The following ALK variants were observed in gnomAD, a reference collection of about 807,000 sequenced individuals.
The protein encoded by ALK is ALK receptor tyrosine kinase.
A neutral mutation model predicts 163.1 loss-of-function variants in ALK; 74 were observed. That is an observed-to-expected ratio of 0.45 (90% CI 0.38 to 0.55). ALK has a LOEUF of 0.55. Ranked by LOEUF, ALK falls within the 20% of genes least tolerant of loss-of-function variation. ALK has a pLI of 0.00. For synonymous variants in ALK, 960 were observed against 843.2 expected (o/e 1.14, Z -2.40); for missense variants, 2,063 against 2,105.3 (o/e 0.98, Z 0.39).
At chr2:29,379,708 A>C (rs1668848288) in intron 5 of ALK, among the ~76,000 whole-genome samples, 1 of 152,230 alleles carries the variant, frequency 6.6e-6, no homozygotes, top group Admixed American at 6.5e-5. Context: ...CCACAAAAGA[A>C]GGAGTAATAT....
chr2:29,423,756 A>T (rs1177793941), intron 4 of ALK, among the ~76,000 whole-genome samples: 1 of 152,122 alleles, frequency 6.6e-6, no homozygotes, highest in African/African-American at 2.4e-5. Flanking sequence ...GGACCCTCCT[A>T]GGAGGAGGTT....
chr2:29,497,849 C>A (rs1421897572), intron 4 of ALK, among the ~76,000 whole-genome samples: 1 of 152,090 alleles, frequency 6.6e-6, no homozygotes. Context: ...TGAATATAGT[C>A]ATGAAATGAT....
chr2:29,322,737 G>A (rs1667103042), intron 6 of ALK, among the ~76,000 whole-genome samples: 1 of 152,234 alleles, frequency 6.6e-6, no homozygotes, highest in Non-Finnish European at 1.5e-5. Context: ...GGGAGGCTGA[G>A]GCAGGAGAAT....
chr2:29,876,628 A>G (rs1228252247), intron 1 of ALK, among the ~76,000 whole-genome samples: 5 of 148,726 alleles, frequency 3.4e-5, no homozygotes, highest in African/African-American at 1.2e-4. Flanking sequence ...GATGGTGGTG[A>G]TGGCGGTGAT....
chr2:29,704,210 T>C (rs1678831625), intron 2 of ALK, among the ~76,000 whole-genome samples: 1 of 152,174 alleles, frequency 6.6e-6, no homozygotes, highest in African/African-American at 2.4e-5. Context: ...ACCCCAGAAA[T>C]TAGCATTCTT....
intron 12 of ALK, among the ~76,000 whole-genome samples, chr2:29,245,384 CAG>C: frequency 8.8e-6 from 1 of 113,362 alleles, no homozygotes; most frequent in East Asian, 2.8e-4. Flanking sequence ...GCCCTGCACA[CAG>C]TAGGGGCTCC....
rs528832689 is a variant in ALK at position 29,288,245 on chromosome 2, G to GT, written c.1817+8642dup. Among the ~76,000 whole-genome samples, 165 of 152,286 alleles carry GT rather than the reference G, an allele frequency of 1.1e-3. 3 individuals carry two copies. The highest frequency in any genetic ancestry group is 3.9e-3 in the African/African-American group (164 of 41,560). Reference sequence around the variant, plus strand: ...CTCGGGATGCAGATGCAGCTCTCCTGTGCTAATGTGCTATTTGCATAGGCT... The same window carrying GT: ...CTCGGGATGCAGATGCAGCTCTCCTGTTGCTAATGTGCTATTTGCATAGGCT... On this transcript the variant is annotated intron_variant, in intron 9 of 28. Transcript: ENST00000389048.
At chr2:29,555,895 T>C (rs1673841119) in intron 3 of ALK, among the ~76,000 whole-genome samples, 1 of 152,206 alleles carries the variant, frequency 6.6e-6, no homozygotes, top group Admixed American at 6.5e-5. Context: ...TTTATAAACA[T>C]GACTTAGACA....
At chr2:29,826,782 G>C (rs1665214732) in intron 1 of ALK, among the ~76,000 whole-genome samples, 1 of 152,086 alleles carries the variant, frequency 6.6e-6, no homozygotes, top group Admixed American at 6.5e-5. Flanking sequence ...CATTGGCTGA[G>C]TACTAAAAAG....
chr2:29,221,457 C>T (rs1669802587), intron 22 of ALK, among the ~76,000 whole-genome samples: 1 of 152,048 alleles, frequency 6.6e-6, no homozygotes, highest in Non-Finnish European at 1.5e-5. Context: ...ACACAGCCCC[C>T]CAAGTGTTGA....
intron 1 of ALK, among the ~76,000 whole-genome samples, chr2:29,762,216 C>T (rs1184708040): frequency 6.6e-6 from 1 of 152,196 alleles, no homozygotes; most frequent in African/African-American, 2.4e-5. Context: ...ATAGTTCATT[C>T]TTCTCTAACA....
rs201516260 is a variant in ALK at position 29,448,584 on chromosome 2, A to AT, written c.1155-64726_1155-64725insA. ...TATATGTGTTTGGGGACATCTATAG[A>AT]GCACAGTGAATCATGCAACATACGA... On this transcript the variant is annotated intron_variant, in intron 4 of 28. Coordinates refer to ENST00000389048, the MANE Select transcript of ALK (RefSeq NM_004304.5). 2.0e-5 allele frequency among the ~76,000 whole-genome samples: 3 copies of AT among 152,210 alleles called. No individual in the cohort carries two copies. The East Asian group carries it at 5.8e-4, about 29-fold the overall frequency.
intron 4 of ALK, among the ~76,000 whole-genome samples, chr2:29,392,106 T>A (rs763362515): frequency 2.6e-4 from 40 of 152,182 alleles, no homozygotes; most frequent in Admixed American, 5.9e-4. Flanking sequence ...AAATAAGAGA[T>A]TGACTGTGTG....
chr2:29,375,863 G>C (rs1668741236), intron 5 of ALK, among the ~76,000 whole-genome samples: 1 of 152,176 alleles, frequency 6.6e-6, no homozygotes, highest in Non-Finnish European at 1.5e-5. Context: ...AGTACTGACA[G>C]AGGAGGAGCA....
intron 4 of ALK, among the ~76,000 whole-genome samples, chr2:29,428,830 T>C (rs1670206230): frequency 6.6e-6 from 1 of 152,026 alleles, no homozygotes; most frequent in Non-Finnish European, 1.5e-5. Context: ...CAGATCAATA[T>C]GTCTCTTATA....
intron 3 of ALK, among the ~76,000 whole-genome samples, chr2:29,589,210 T>C (rs1674976427): frequency 6.6e-6 from 1 of 152,150 alleles, no homozygotes; most frequent in African/African-American, 2.4e-5. Flanking sequence ...TTAGAGAAGA[T>C]TTGATGCTGT....
intron 3 of ALK, among the ~76,000 whole-genome samples, chr2:29,671,658 T>C (rs1677693820): frequency 6.6e-6 from 1 of 152,014 alleles, no homozygotes; most frequent in African/African-American, 2.4e-5. Flanking sequence ...GGTAGGGGTG[T>C]CACAGATGTG....
intron 3 of ALK, among the ~76,000 whole-genome samples, chr2:29,534,132 G>C (rs1673188822): frequency 6.6e-6 from 1 of 152,016 alleles, no homozygotes; most frequent in South Asian, 2.1e-4. Flanking sequence ...AAGATTTCCA[G>C]CTTCATTTTG....
At chr2:29,350,793 C>T (rs2148279145) in intron 5 of ALK, among the ~76,000 whole-genome samples, 1 of 152,210 alleles carries the variant, frequency 6.6e-6, no homozygotes, top group South Asian at 2.1e-4. Flanking sequence ...ACACTCAGGC[C>T]CAGAGAGGTT....
Sources: gnomAD v4.1 joint callset for allele counts (sites outside exome capture counted in the v4.1 genomes callset) on GRCh38, gnomAD v4.1.1 for gene constraint, MANE v1.5 for transcripts, NCBI Gene and HGNC (gene_info 2026-07-23, HGNC 2026-07-21) for gene names.